Variants in AUTS2 observed in about 807,000 individuals in gnomAD.
AUTS2 encodes the protein activator of transcription and developmental regulator AUTS2.
Under a neutral mutation model 112.4 loss-of-function variants are expected in AUTS2, and 17 were observed. That is an observed-to-expected ratio of 0.15 (90% CI 0.10 to 0.23). AUTS2 has a LOEUF of 0.23. Among genes scored for constraint, AUTS2 ranks in the 10% least tolerant of loss-of-function variants. The pLI is 1.00. For synonymous variants in AUTS2, 751 were observed against 702.7 expected (o/e 1.07, Z -1.09); for missense variants, 1,510 against 1,701.6 (o/e 0.89, Z 1.98).
At chr7:69,732,984 C>A (rs190660109) in intron 1 of AUTS2, among the ~76,000 whole-genome samples, 1 of 152,168 alleles carries the variant, frequency 6.6e-6, no homozygotes, top group African/African-American at 2.4e-5. Context: ...TTAATTTCTA[C>A]TTAAGGGTGT....
chr7:70,662,388 G>A (rs1219599556), intron 5 of AUTS2, among the ~76,000 whole-genome samples: 1 of 152,196 alleles, frequency 6.6e-6, no homozygotes, highest in Non-Finnish European at 1.5e-5. Flanking sequence ...GGGAAGGAAA[G>A]GGAAATCCTA....
At chr7:70,021,483 A>G (rs1456695299) in intron 2 of AUTS2, among the ~76,000 whole-genome samples, 2 of 152,212 alleles carry the variant, frequency 1.3e-5, no homozygotes, top group Admixed American at 1.3e-4. Context: ...CCCATCTGCT[A>G]TTCCAGATGG....
At chr7:70,390,056 T>C (rs1490349672) in intron 4 of AUTS2, among the ~76,000 whole-genome samples, 1 of 152,228 alleles carries the variant, frequency 6.6e-6, no homozygotes. Flanking sequence ...TGCTTTCTTA[T>C]TGTTTTGTGG....
At position 70,745,737 on chromosome 7, in the gene AUTS2, T is replaced by C. The variant is rs1788409870; in HGVS notation, c.743-17133T>C. Among the ~76,000 whole-genome samples the C allele has an allele frequency of 2.0e-5, 3 of 152,342 alleles. No homozygotes were observed. The South Asian group carries it at 6.2e-4, about 32-fold the overall frequency. Reference sequence around the variant, plus strand: ...AAATAACCAAGCTATTAGAATCTTTTATGATTTAAAATAGAACATTAGTTT... The same window carrying C: ...AAATAACCAAGCTATTAGAATCTTTCATGATTTAAAATAGAACATTAGTTT... On this transcript the variant is annotated intron_variant, in intron 6 of 18. Transcript: ENST00000342771.
chr7:70,491,589 TTGTGTGTGTGTGTGTGTG>T (rs71077660), intron 5 of AUTS2, among the ~76,000 whole-genome samples: 6 of 138,802 alleles, frequency 4.3e-5, no homozygotes, highest in Admixed American at 2.9e-4. Context: ...TGTATATATA[TTGTGTGTGTGTGTGTGTG>T]TGTGTGTGTG....
At chr7:69,997,295 A>G (rs73432168) in intron 2 of AUTS2, among the ~76,000 whole-genome samples, 1,555 of 152,334 alleles carry the variant, frequency 0.01, 37 homozygotes, top group African/African-American at 0.035. Context: ...AATAGTATAT[A>G]TAGTATTAAC....
In AUTS2 at chr7:70,764,654, GGTGAGGGTTTAGGGGAA is replaced by G. The variant is rs1789797785; in HGVS notation, c.1215-96_1215-80del. On this transcript the variant is annotated intron_variant, in intron 7 of 18. Transcript: ENST00000342771. The stretch of plus-strand genomic sequence containing the variant: ...AAGAGGAAGGGGCAAGAGAGACTGT[GGTGAGGGTTTAGGGGAA>G]GGAGGTAGGATTCTTTTAAAGAGAA... 5 of 663,406 alleles carry G rather than the reference GGTGAGGGTTTAGGGGAA, an allele frequency of 7.5e-6. No homozygotes were observed. In the East Asian group the frequency reaches 1.4e-4, roughly 18 times the overall value. 41.1% of individuals were successfully genotyped at this position (663,406 alleles called of 1,614,324 possible). A position where few individuals can be genotyped will look rare whatever the true frequency, so the allele number is the denominator to read the frequency against.
At position 70,680,542 on chromosome 7, in the gene AUTS2, T is replaced by A. The variant is rs566909922; in HGVS notation, c.691-18027T>A. 2.5e-3 allele frequency among the ~76,000 whole-genome samples: 384 copies of A among 152,312 alleles called. 2 individuals are homozygous for A. The highest frequency in any genetic ancestry group is 3.3e-3 in the Non-Finnish European group (224 of 68,030). On this transcript the variant is annotated intron_variant, in intron 5 of 18. Coordinates refer to ENST00000342771, the MANE Select transcript of AUTS2 (RefSeq NM_015570.4). ...GTCGGTTCTCTAATCTGCCTACAGGTCAGTTCTTTGAAATCATTTCCATGC... is the reference window on the plus strand; with the variant it reads ...GTCGGTTCTCTAATCTGCCTACAGGACAGTTCTTTGAAATCATTTCCATGC...
At chr7:70,736,853 G>A (rs1490063995) in intron 6 of AUTS2, among the ~76,000 whole-genome samples, 2 of 152,158 alleles carry the variant, frequency 1.3e-5, no homozygotes, top group Non-Finnish European at 2.9e-5. Context: ...TAGCGTAGAC[G>A]GATTGTGCAA....
At chr7:69,993,066 T>C (rs549829864) in intron 2 of AUTS2, among the ~76,000 whole-genome samples, 29 of 152,072 alleles carry the variant, frequency 1.9e-4, no homozygotes, top group Non-Finnish European at 3.5e-4. Context: ...TTTCAGGAGG[T>C]TGGTACTTTC....
intron 4 of AUTS2, among the ~76,000 whole-genome samples, chr7:70,166,387 A>AT (rs1368130877): frequency 6.6e-6 from 1 of 152,220 alleles, no homozygotes; most frequent in Non-Finnish European, 1.5e-5. Context: ...AGCAAAAATA[A>AT]TAATTCTATA....
intron 5 of AUTS2, among the ~76,000 whole-genome samples, chr7:70,592,318 A>G (rs1376772516): frequency 6.6e-6 from 1 of 152,132 alleles, no homozygotes; most frequent in African/African-American, 2.4e-5. Context: ...GCCACTTGCT[A>G]GTTGTGTAAT....
At chr7:70,288,396 C>T (rs896501343) in intron 4 of AUTS2, among the ~76,000 whole-genome samples, 3 of 151,876 alleles carry the variant, frequency 2.0e-5, no homozygotes, top group African/African-American at 4.8e-5. Context: ...AGCAAGACTC[C>T]GTCTCAAAAA....
At chr7:69,879,304 C>T (rs555688653) in intron 1 of AUTS2, among the ~76,000 whole-genome samples, 2 of 147,304 alleles carry the variant, frequency 1.4e-5, no homozygotes, top group African/African-American at 2.6e-5. Context: ...CCACCATGCC[C>T]GGCTATTTTT....
At chr7:70,579,542 C>A (rs1050120742) in intron 5 of AUTS2, among the ~76,000 whole-genome samples, 1 of 152,112 alleles carries the variant, frequency 6.6e-6, no homozygotes, top group Non-Finnish European at 1.5e-5. Context: ...CATATTTACC[C>A]ATGGAACATT....
At chr7:70,645,995 A>C (rs1248084513) in intron 5 of AUTS2, among the ~76,000 whole-genome samples, 1 of 152,042 alleles carries the variant, frequency 6.6e-6, no homozygotes, top group Non-Finnish European at 1.5e-5. Context: ...CCCATTTCAC[A>C]CCACCGTCAT....
chr7:70,310,161 C>G (rs1789672896), intron 4 of AUTS2, among the ~76,000 whole-genome samples: 1 of 143,798 alleles, frequency 7.0e-6, no homozygotes, highest in Admixed American at 7.0e-5. Context: ...CCCAGATTTT[C>G]ACGTTTAGAT....
chr7:70,369,279 G>T (rs1023737871), intron 4 of AUTS2, among the ~76,000 whole-genome samples: 9 of 152,168 alleles, frequency 5.9e-5, no homozygotes, highest in African/African-American at 2.2e-4. Context: ...TAGCACTTTG[G>T]CACTAGGTGT....
chr7:70,513,916 T>A (rs1369546062), intron 5 of AUTS2, among the ~76,000 whole-genome samples: 2 of 152,210 alleles, frequency 1.3e-5, no homozygotes, highest in African/African-American at 4.8e-5. Context: ...CACCTTGGCC[T>A]CCCAAAGTGC....
Sources: allele counts gnomAD v4.1 joint callset (sites outside exome capture counted in the v4.1 genomes callset), GRCh38; gene constraint gnomAD v4.1.1; transcripts MANE v1.5; gene names NCBI Gene and HGNC (gene_info 2026-07-23, HGNC 2026-07-21).